The following CTNNA3 variants were observed in gnomAD, a reference collection of about 807,000 sequenced individuals.
CTNNA3 encodes catenin alpha-3.
CTNNA3 carries 76 observed loss-of-function variants against 95.7 expected under a neutral mutation model. That is an observed-to-expected ratio of 0.79 (90% CI 0.66 to 0.96). The LOEUF (loss-of-function observed/expected upper bound fraction) is 0.96. Ranked by LOEUF, CTNNA3 falls within the 40% of genes least tolerant of loss-of-function variation. The pLI, the probability that CTNNA3 is intolerant of heterozygous loss-of-function variation, is 0.00. For missense variants in CTNNA3, 1,191 were observed against 1,089.8 expected, an observed-to-expected ratio of 1.09 and a Z score of -1.31; for synonymous variants, 431 against 374.4, an observed-to-expected ratio of 1.15 and a Z score of -1.74.
chr10:67,045,526 C>G (rs1038576030), intron 7 of CTNNA3, among the ~76,000 whole-genome samples: 5 of 152,136 alleles, frequency 3.3e-5, no homozygotes, highest in Non-Finnish European at 7.4e-5. Flanking sequence ...GTAGGAAACC[C>G]CGACCCAGAA....
intron 15 of CTNNA3, among the ~76,000 whole-genome samples, chr10:66,013,542 T>C (rs2133399360): frequency 6.6e-6 from 1 of 152,316 alleles, no homozygotes; most frequent in Non-Finnish European, 1.5e-5. Flanking sequence ...ACACTAGTAT[T>C]TTGCTAACGC....
At chr10:66,107,788 G>A (rs1366810262) in intron 13 of CTNNA3, among the ~76,000 whole-genome samples, 2 of 151,376 alleles carry the variant, frequency 1.3e-5, no homozygotes, top group African/African-American at 2.4e-5. Context: ...AGAAATTTGT[G>A]GTTGCTAAAT....
intron 11 of CTNNA3, among the ~76,000 whole-genome samples, chr10:66,396,307 C>G: frequency 6.6e-6 from 1 of 151,920 alleles, no homozygotes; most frequent in East Asian, 1.9e-4. Flanking sequence ...AAGAGGGATA[C>G]TAAAATTCCC....
Position 66,179,199 on chromosome 10 carries a change from A to G in CTNNA3, c.1885-75950T>C, listed in dbSNP as rs564618608. ...TGATTAAACAGACTACAGTATAGCC[A>G]TATCATGGAATCTCGCTTAGCAATT... On this transcript the variant is annotated intron_variant, in intron 13 of 17. Coordinates refer to ENST00000433211, the MANE Select transcript of CTNNA3 (RefSeq NM_013266.4). Among the ~76,000 whole-genome samples the G allele has an allele frequency of 2.6e-4, 39 of 152,058 alleles. 1 individual carries two copies. The highest frequency in any genetic ancestry group is 3.8e-4 in the Non-Finnish European group (26 of 67,944).
chr10:66,367,472 T>G (rs1346106849), intron 12 of CTNNA3, among the ~76,000 whole-genome samples: 1 of 149,890 alleles, frequency 6.7e-6, no homozygotes, highest in Non-Finnish European at 1.5e-5. Flanking sequence ...ACATTACATA[T>G]AATACATATA....
rs556623128 is a variant in CTNNA3 at position 66,103,175 on chromosome 10, G to T, written c.1959C>A (p.Thr653=). The change falls in exon 14 of 18, where the codon ACC becomes ACA. Residue 653 remains threonine (T), a synonymous_variant. Transcript: ENST00000433211. ...HEVRSHTSIQ[T]EGKTDRAKMT... ...GACATACCCTATCAGTTTTCCCTTC[G>T]GTCTGAATGCTGGTGTGACTGCGGA... 6.2e-7 allele frequency: 1 copy of T among 1,613,818 alleles called. No homozygotes were observed. The highest frequency in any genetic ancestry group is 1.7e-5 in the Admixed American group (1 of 60,018).
intron 11 of CTNNA3, among the ~76,000 whole-genome samples, chr10:66,489,604 A>G (rs1349960581): frequency 6.6e-6 from 1 of 152,148 alleles, no homozygotes; most frequent in Non-Finnish European, 1.5e-5. Context: ...ACACACGTGC[A>G]CACACACACA....
intron 12 of CTNNA3, among the ~76,000 whole-genome samples, chr10:66,291,813 C>T (rs967370139): frequency 6.7e-6 from 1 of 150,330 alleles, no homozygotes; most frequent in Non-Finnish European, 1.5e-5. Context: ...ATATACACAC[C>T]AAATTATATG....
chr10:67,557,026 C>G (rs910312974), intron 3 of CTNNA3, among the ~76,000 whole-genome samples: 29 of 152,172 alleles, frequency 1.9e-4, no homozygotes, highest in Admixed American at 1.4e-3. Flanking sequence ...AGTAGTCATT[C>G]AGGAGCAGGT....
chr10:65,962,837 G>C (rs2077878054), intron 17 of CTNNA3, among the ~76,000 whole-genome samples: 1 of 151,934 alleles, frequency 6.6e-6, no homozygotes, highest in Admixed American at 6.6e-5. Context: ...TTAGTTTGCT[G>C]AGAATGATGG....
At chr10:66,658,269 C>G (rs1045713335) in intron 9 of CTNNA3, among the ~76,000 whole-genome samples, 3 of 150,766 alleles carry the variant, frequency 2.0e-5, no homozygotes, top group African/African-American at 7.3e-5. Flanking sequence ...TCTCTGCATT[C>G]ATTTCTTCAT....
chr10:65,980,703 A>G (rs899333357), intron 16 of CTNNA3, among the ~76,000 whole-genome samples: 16 of 152,038 alleles, frequency 1.1e-4, no homozygotes, highest in Non-Finnish European at 2.1e-4. Context: ...CTGCAAGTCA[A>G]TAAATGTGAC....
chr10:67,691,183 T>G (rs1180068583), intron 1 of CTNNA3, among the ~76,000 whole-genome samples: 3 of 152,166 alleles, frequency 2.0e-5, no homozygotes, highest in African/African-American at 4.8e-5. Context: ...TGGAGTCTCG[T>G]TCACTCAGTG....
intron 7 of CTNNA3, among the ~76,000 whole-genome samples, chr10:66,809,420 G>A (rs1001715069): frequency 3.3e-5 from 5 of 151,806 alleles, no homozygotes; most frequent in Non-Finnish European, 5.9e-5. Context: ...TAATATGAAC[G>A]GATTTTTTCC....
intron 15 of CTNNA3, among the ~76,000 whole-genome samples, chr10:66,056,578 A>G (rs1316723472): frequency 6.6e-6 from 1 of 152,134 alleles, no homozygotes; most frequent in Non-Finnish European, 1.5e-5. Context: ...TCCTCCTCAC[A>G]TTTTAGAAAT....
intron 5 of CTNNA3, among the ~76,000 whole-genome samples, chr10:67,229,999 A>G (rs1292132173): frequency 1.3e-5 from 2 of 152,168 alleles, no homozygotes; most frequent in East Asian, 3.9e-4. Flanking sequence ...ACCAAAAAAG[A>G]ACCTGCATAG....
chr10:66,597,547 T>G, intron 10 of CTNNA3, among the ~76,000 whole-genome samples: 1 of 130,910 alleles, frequency 7.6e-6, no homozygotes, highest in South Asian at 2.3e-4. Context: ...TATATATATA[T>G]ATATATATTT....
At chr10:67,364,107 C>A (rs1843110154) in intron 5 of CTNNA3, among the ~76,000 whole-genome samples, 1 of 152,164 alleles carries the variant, frequency 6.6e-6, no homozygotes, top group African/African-American at 2.4e-5. Flanking sequence ...TCCAGCAGCA[C>A]ATCAAAAAGC....
intron 17 of CTNNA3, among the ~76,000 whole-genome samples, chr10:65,937,421 G>A (rs887232250): frequency 2.0e-5 from 3 of 152,224 alleles, no homozygotes; most frequent in African/African-American, 7.2e-5. Flanking sequence ...CTTACTCACC[G>A]TTTCTTTCTC....
Sources: allele counts gnomAD v4.1 joint callset (sites outside exome capture counted in the v4.1 genomes callset), GRCh38; gene constraint gnomAD v4.1.1; transcripts MANE v1.5; gene names NCBI Gene and HGNC (gene_info 2026-07-23, HGNC 2026-07-21).